DNAAF1: variants seen among roughly 807,000 people sequenced by gnomAD.
DNAAF1 encodes dynein assembly factor 1, axonemal.
Under a neutral mutation model 71.1 loss-of-function variants are expected in DNAAF1, and 65 were observed. The ratio of observed to expected loss-of-function variants is 0.91; its 90% CI spans 0.75 to 1.12. DNAAF1 has a LOEUF of 1.12. DNAAF1 is among the 50% of genes most tolerant of loss of function. The pLI is 0.00. For synonymous variants in DNAAF1, 414 were observed against 354.6 expected (o/e 1.17, Z -1.88); for missense variants, 1,178 against 899.8 (o/e 1.31, Z -3.96).
chr16:84,166,366 T>A (rs893386537), intron 7 of DNAAF1, among the ~76,000 whole-genome samples: 1 of 145,494 alleles, frequency 6.9e-6, no homozygotes. Flanking sequence ...GATTTTCTTT[T>A]TTTCTTTTTT....
chr16:84,156,851 CTTTT>C (rs778916785), intron 5 of DNAAF1, among the ~76,000 whole-genome samples: 1 of 111,798 alleles, frequency 8.9e-6, no homozygotes, highest in Admixed American at 9.3e-5. Flanking sequence ...TTCTTTCTTT[CTTTT>C]TTTTTTTTTT....
At chr16:84,164,020 G>T (rs2087847189) in intron 6 of DNAAF1, among the ~76,000 whole-genome samples, 1 of 152,032 alleles carries the variant, frequency 6.6e-6, no homozygotes, top group Non-Finnish European at 1.5e-5. Context: ...GCCCAGGCTG[G>T]TCTGGAACTC....
At chr16:84,158,596 G>C (rs142843731) in intron 5 of DNAAF1, among the ~76,000 whole-genome samples, 2 of 152,274 alleles carry the variant, frequency 1.3e-5, no homozygotes, top group South Asian at 2.1e-4. Context: ...TAGTTGTTTC[G>C]TGACTGCTTT....
intron 3 of DNAAF1, among the ~76,000 whole-genome samples, chr16:84,152,202 T>A (rs1203392504): frequency 6.6e-6 from 1 of 152,044 alleles, no homozygotes; most frequent in East Asian, 1.9e-4. Context: ...GGAGATGGCT[T>A]GAACAGCAAA....
chr16:84,172,972 G>T, intron 9 of DNAAF1: 1 of 998,538 alleles, frequency 1.0e-6, no homozygotes, highest in South Asian at 4.4e-5. Flanking sequence ...CCACAAGAAT[G>T]GTACCATGGG....
At position 84,154,686 on chromosome 16, in the gene DNAAF1, T is replaced by A. The variant is rs770583195; in HGVS notation, c.462T>A (p.Arg154=). The A allele has an allele frequency of 6.2e-7, 1 of 1,614,116 alleles. No homozygotes were observed. The highest frequency in any genetic ancestry group is 8.5e-7 in the Non-Finnish European group (1 of 1,180,024). The change falls in exon 4 of 12, where the codon CGT becomes CGA. Residue 154 remains arginine, a synonymous_variant. Transcript: ENST00000378553. ...IENLEAQTEL[R]CLFLQMNLLR... ...ACCTGGAGGCCCAAACTGAGTTGCGTTGCCTCTTCTTGCAAATGAACTTGC... is the reference window on the plus strand; with the variant it reads ...ACCTGGAGGCCCAAACTGAGTTGCGATGCCTCTTCTTGCAAATGAACTTGC...
At chr16:84,173,439 G>A in intron 9 of DNAAF1, 1 of 960,720 alleles carries the variant, frequency 1.0e-6, no homozygotes. Flanking sequence ...ACTCCAACCT[G>A]GGCGACAGAG....
intron 5 of DNAAF1, 136 bp downstream of exon 5, chr16:84,155,885 GTT>G: frequency 1.7e-6 from 2 of 1,173,864 alleles, no homozygotes; most frequent in Non-Finnish European, 2.4e-6. Flanking sequence ...TCCTCTTTGT[GTT>G]TTTAGCTGGA....
At chr16:84,156,051 C>T (rs1312184850) in intron 5 of DNAAF1, among the ~76,000 whole-genome samples, 2 of 152,140 alleles carry the variant, frequency 1.3e-5, no homozygotes, top group East Asian at 1.9e-4. Context: ...GCAACCTCTG[C>T]CTCTGGGTTC....
chr16:84,166,104 A>T, intron 7 of DNAAF1, 155 bp downstream of exon 7: 1 of 1,026,962 alleles, frequency 9.7e-7, no homozygotes, highest in Non-Finnish European at 1.4e-6. Context: ...GCAAAGTTGG[A>T]GTGCAGCAGT....
At chr16:84,145,940 A>G (rs577240349) in intron 1 of DNAAF1, among the ~76,000 whole-genome samples, 12 of 152,234 alleles carry the variant, frequency 7.9e-5, no homozygotes, top group African/African-American at 2.6e-4. Flanking sequence ...TACTAAAAAT[A>G]CAAAAAATGA....
intron 7 of DNAAF1, among the ~76,000 whole-genome samples, chr16:84,168,855 C>CACACACACACACACACA: frequency 6.6e-6 from 1 of 151,716 alleles, no homozygotes; most frequent in East Asian, 1.9e-4. Flanking sequence ...CACACACACA[C>CACACACACACACACACA]ACTTTGCTTT....
At chr16:84,147,431 A>C (rs1321041209) in intron 1 of DNAAF1, among the ~76,000 whole-genome samples, 2 of 152,196 alleles carry the variant, frequency 1.3e-5, no homozygotes, top group Admixed American at 1.3e-4. Context: ...CCTTTAAAAA[A>C]ATTATTCATT....
intron 9 of DNAAF1, chr16:84,172,915 T>C: frequency 9.9e-7 from 1 of 1,006,460 alleles, no homozygotes; most frequent in African/African-American, 1.7e-5. Context: ...CCTGTCACTC[T>C]TCCCTGAAGC....
chr16:84,160,684 C>T (rs1473495778), intron 6 of DNAAF1, among the ~76,000 whole-genome samples: 1 of 152,098 alleles, frequency 6.6e-6, no homozygotes, highest in Non-Finnish European at 1.5e-5. Context: ...TCTGTAATCC[C>T]AGCACTTTGG....
intron 1 of DNAAF1, 23 bp from the exon 2 acceptor site, chr16:84,148,984 A>G (rs556328581): frequency 1.2e-6 from 2 of 1,613,772 alleles, no homozygotes; most frequent in Non-Finnish European, 1.7e-6. Flanking sequence ...ATCTCTACAG[A>G]CCTGATCTCT....
chr16:84,154,820 T>C, intron 4 of DNAAF1, 22 bp downstream of exon 4: 1 of 1,572,000 alleles, frequency 6.4e-7, no homozygotes, highest in Non-Finnish European at 8.8e-7. Context: ...CAGCAAGCAG[T>C]GTGTCTGTTT....
intron 1 of DNAAF1, among the ~76,000 whole-genome samples, chr16:84,147,573 C>T (rs2086971313): frequency 6.6e-6 from 1 of 151,912 alleles, no homozygotes. Context: ...ATCTTCCTGC[C>T]TCAGCCTCCT....
In DNAAF1 at chr16:84,156,851, C is replaced by CTT. The variant is rs778916785; in HGVS notation, c.741+1120_741+1121dup. Among the ~76,000 whole-genome samples, 953 of 111,792 alleles carry CTT rather than the reference C, an allele frequency of 8.5e-3. 35 individuals carry two copies. The highest frequency in any genetic ancestry group is 0.022 in the East Asian group (88 of 3,918). The allele number at this position is 111,792 out of a possible 152,430, so 73.3% of individuals were successfully genotyped here. A position where few individuals can be genotyped will look rare whatever the true frequency, so the allele number is the denominator to read the frequency against. ...TTCCTTTCCTTTTCTTTCTTTCTTT[C>CTT]TTTTTTTTTTTTTTTTTTTGAGACA... On this transcript the variant is annotated intron_variant, in intron 5 of 11. Transcript: ENST00000378553.
Sources: allele counts gnomAD v4.1 joint callset (sites outside exome capture counted in the v4.1 genomes callset), GRCh38; gene constraint gnomAD v4.1.1; transcripts MANE v1.5; gene names NCBI Gene and HGNC (gene_info 2026-07-23, HGNC 2026-07-21).